CCDC178: variants seen among roughly 807,000 people sequenced by gnomAD.
CCDC178 encodes coiled-coil domain containing 178.
CCDC178 carries 126 observed loss-of-function variants against 117.4 expected under a neutral mutation model. The ratio of observed to expected loss-of-function variants is 1.07; its 90% CI spans 0.93 to 1.24. The LOEUF (loss-of-function observed/expected upper bound fraction) is 1.24. CCDC178 is among the 50% of genes most tolerant of loss of function. CCDC178 has a pLI of 0.00. For missense variants in CCDC178, 1,030 were observed against 986.9 expected, an observed-to-expected ratio of 1.04 and a Z score of -0.59; for synonymous variants, 283 against 313.4, an observed-to-expected ratio of 0.90 and a Z score of 1.02.
At chr18:33,211,080 T>C (rs1217358020) in intron 20 of CCDC178, among the ~76,000 whole-genome samples, 1 of 151,730 alleles carries the variant, frequency 6.6e-6, no homozygotes, top group Non-Finnish European at 1.5e-5. Context: ...TAATTGAATA[T>C]ATAAATATCA....
At chr18:33,122,937 C>A (rs2057956643) in intron 20 of CCDC178, among the ~76,000 whole-genome samples, 1 of 152,118 alleles carries the variant, frequency 6.6e-6, no homozygotes, top group East Asian at 1.9e-4. Flanking sequence ...AAATAGCTCC[C>A]ATTTTATGTT....
At chr18:33,263,724 G>A (rs2059779388) in intron 14 of CCDC178, among the ~76,000 whole-genome samples, 1 of 152,000 alleles carries the variant, frequency 6.6e-6, no homozygotes, top group Non-Finnish European at 1.5e-5. Context: ...TGGAACTTTT[G>A]GTTAAATGGA....
At chr18:33,371,876 C>G (rs2063306462) in intron 5 of CCDC178, among the ~76,000 whole-genome samples, 1 of 151,004 alleles carries the variant, frequency 6.6e-6, no homozygotes, top group Non-Finnish European at 1.5e-5. Flanking sequence ...TATTGATCTC[C>G]TATCCAAATA....
At chr18:33,256,336 G>A (rs1395482922) in intron 14 of CCDC178, among the ~76,000 whole-genome samples, 3 of 152,000 alleles carry the variant, frequency 2.0e-5, no homozygotes, top group East Asian at 1.9e-4. Flanking sequence ...GAAGTGATAC[G>A]AGTAAAACTA....
intron 5 of CCDC178, among the ~76,000 whole-genome samples, chr18:33,380,092 T>C (rs2063422518): frequency 6.6e-6 from 1 of 152,130 alleles, no homozygotes. Context: ...AGGGTCCTGC[T>C]GCACCACAGT....
intron 20 of CCDC178, among the ~76,000 whole-genome samples, chr18:33,201,743 A>G (rs1157445246): frequency 6.6e-6 from 1 of 152,186 alleles, no homozygotes; most frequent in East Asian, 1.9e-4. Flanking sequence ...ACAGGAAGCT[A>G]AAGGAAGCAA....
At chr18:33,148,570 G>C (rs890252456) in intron 20 of CCDC178, among the ~76,000 whole-genome samples, 21 of 152,012 alleles carry the variant, frequency 1.4e-4, no homozygotes, top group Non-Finnish European at 2.4e-4. Flanking sequence ...AAGATTTCAA[G>C]ATCTCAGAAT....
chr18:33,263,992 A>T (rs1030146978), intron 14 of CCDC178, among the ~76,000 whole-genome samples: 8 of 152,210 alleles, frequency 5.3e-5, no homozygotes, highest in Middle Eastern at 3.4e-3. Flanking sequence ...GCAAATTACA[A>T]AGACTACAGA....
intron 19 of CCDC178, among the ~76,000 whole-genome samples, chr18:33,212,767 T>C (rs1372201618): frequency 6.6e-6 from 1 of 152,006 alleles, no homozygotes; most frequent in East Asian, 1.9e-4. Flanking sequence ...AAACACATCA[T>C]AATGCAAAGG....
chr18:33,384,992 T>C (rs1038553879), intron 5 of CCDC178, among the ~76,000 whole-genome samples: 2 of 152,102 alleles, frequency 1.3e-5, no homozygotes, highest in African/African-American at 4.8e-5. Context: ...AAGATGCACA[T>C]AGACTTGAAA....
At chr18:33,003,661 T>C (rs529161736) in intron 21 of CCDC178, among the ~76,000 whole-genome samples, 1 of 152,214 alleles carries the variant, frequency 6.6e-6, no homozygotes, top group East Asian at 1.9e-4. Context: ...TTATTCAACA[T>C]AGCACTGGAA....
At chr18:33,219,525 C>T (rs911949653) in intron 18 of CCDC178, among the ~76,000 whole-genome samples, 3 of 152,110 alleles carry the variant, frequency 2.0e-5, no homozygotes, top group Admixed American at 2.0e-4. Flanking sequence ...TGGAACCAAT[C>T]CAAATGTCCA....
chr18:32,989,784 AG>A (rs2055349285), intron 21 of CCDC178, among the ~76,000 whole-genome samples: 1 of 152,140 alleles, frequency 6.6e-6, no homozygotes, highest in Admixed American at 6.5e-5. Flanking sequence ...ATTATATGGG[AG>A]GGCCTGAGCA....
intron 1 of CCDC178, 145 bp downstream of exon 1, chr18:33,440,508 A>T (rs1321674817): frequency 6.6e-6 from 1 of 151,598 alleles, no homozygotes; most frequent in Non-Finnish European, 1.5e-5. Flanking sequence ...GTCGACTCTA[A>T]CTCCCTCAGG....
At chr18:33,145,863 G>T (rs1280280243) in intron 20 of CCDC178, among the ~76,000 whole-genome samples, 1 of 152,148 alleles carries the variant, frequency 6.6e-6, no homozygotes, top group Non-Finnish European at 1.5e-5. Context: ...GAAACCAGTG[G>T]ACTTCTGTGG....
intron 6 of CCDC178, among the ~76,000 whole-genome samples, chr18:33,363,427 GTTGAGAGTAAATCAAACA>G (rs2063156985): frequency 6.6e-6 from 1 of 152,004 alleles, no homozygotes; most frequent in Non-Finnish European, 1.5e-5. Flanking sequence ...GGAGCCAAGA[GTTGAGAGTAAATCAAACA>G]GCCAGTGAGG....
intron 21 of CCDC178, among the ~76,000 whole-genome samples, chr18:33,080,540 C>T (rs959835238): frequency 3.9e-5 from 6 of 152,152 alleles, no homozygotes; most frequent in African/African-American, 1.2e-4. Flanking sequence ...ATCCATCCCA[C>T]GAGGCCATCA....
At chr18:33,159,604 CA>C (rs765562821) in intron 20 of CCDC178, among the ~76,000 whole-genome samples, 3 of 152,046 alleles carry the variant, frequency 2.0e-5, no homozygotes, top group Non-Finnish European at 2.9e-5. Flanking sequence ...CTTATAAGGA[CA>C]TTTGTTATTA....
chr18:33,209,786 A>G (rs1568057798), intron 20 of CCDC178, among the ~76,000 whole-genome samples: 1 of 152,126 alleles, frequency 6.6e-6, no homozygotes, highest in Non-Finnish European at 1.5e-5. Context: ...AGACAACTTC[A>G]TATAAATTTA....
Sources: gnomAD v4.1 joint callset for allele counts (sites outside exome capture counted in the v4.1 genomes callset) on GRCh38, gnomAD v4.1.1 for gene constraint, MANE v1.5 for transcripts, NCBI Gene and HGNC (gene_info 2026-07-23, HGNC 2026-07-21) for gene names.